Variants in HEATR5A observed in about 807,000 individuals in gnomAD.
HEATR5A encodes HEAT repeat containing 5A.
A neutral mutation model predicts 218.8 loss-of-function variants in HEATR5A; 178 were observed. The observed-to-expected ratio is 0.81, with a 90% CI of 0.72 to 0.92. The LOEUF (loss-of-function observed/expected upper bound fraction) is 0.92. HEATR5A is among the 40% of genes least tolerant of loss of function. HEATR5A has a pLI of 0.00. For missense variants in HEATR5A, 2,420 were observed against 2,418.9 expected, an observed-to-expected ratio of 1.00 and a Z score of -0.01; for synonymous variants, 864 against 871.6, an observed-to-expected ratio of 0.99 and a Z score of 0.15.
At chr14:31,301,462 C>T (rs775282706) in intron 33 of HEATR5A, among the ~76,000 whole-genome samples, 1 of 152,118 alleles carries the variant, frequency 6.6e-6, no homozygotes, top group Non-Finnish European at 1.5e-5. Context: ...TACTGGCTAT[C>T]ATTTATTGAT....
intron 20 of HEATR5A, 70 bp downstream of exon 20, chr14:31,345,017 A>G: frequency 1.5e-6 from 2 of 1,305,602 alleles, no homozygotes; most frequent in Non-Finnish European, 1.1e-6. Context: ...AAGCATACAG[A>G]CTAGGAACTG....
intron 14 of HEATR5A, among the ~76,000 whole-genome samples, chr14:31,363,492 T>C (rs1254794941): frequency 6.6e-6 from 1 of 152,180 alleles, no homozygotes; most frequent in African/African-American, 2.4e-5. Flanking sequence ...CAGCACAGCA[T>C]GAGGCAAACT....
chr14:31,358,144 G>A (rs2069111888), intron 16 of HEATR5A, among the ~76,000 whole-genome samples: 1 of 152,178 alleles, frequency 6.6e-6, no homozygotes, highest in African/African-American at 2.4e-5. Context: ...CTACGCCATG[G>A]ACGAACTGTC....
intron 28 of HEATR5A, among the ~76,000 whole-genome samples, chr14:31,310,890 C>T (rs1899725613): frequency 6.6e-6 from 1 of 151,916 alleles, no homozygotes; most frequent in Non-Finnish European, 1.5e-5. Flanking sequence ...TAGTGTACAC[C>T]ATAGTCCCAG....
At position 31,307,991 on chromosome 14, in the gene HEATR5A, GT is replaced by G. The variant is rs1566748326; in HGVS notation, c.4719del (p.Leu1573PhefsTer10). ...LGISVEFLCS[L>X]RSDATMESIT... Reference sequence around the variant, plus strand: ...ATGCTTTCCATGGTTGCATCTGAACGTAAGGAACATAGAAATTCCACGCTGA... The same window carrying G: ...ATGCTTTCCATGGTTGCATCTGAACGAAGGAACATAGAAATTCCACGCTGA... On this transcript the variant is annotated frameshift_variant, in exon 30 of 36. Coordinates refer to ENST00000543095, the MANE Select transcript of HEATR5A (RefSeq NM_015473.4). LOFTEE classifies it high-confidence loss of function. 6.2e-7 allele frequency: 1 copy of G among 1,613,048 alleles called. No homozygotes were observed. The highest frequency in any genetic ancestry group is 1.1e-5 in the South Asian group (1 of 90,814).
rs1365189148 is a variant in HEATR5A, at chr14:31,320,670, C to G, written c.3969+829G>C. On this transcript the variant is annotated intron_variant, in intron 25 of 35. Coordinates refer to ENST00000543095, the MANE Select transcript of HEATR5A (RefSeq NM_015473.4). ...TCCCAGCTTTAGCCCTTGGTCTCAG[C>G]ACTCAGCTTCCCCCACCCGGAAAAT... 9.0e-6 allele frequency: 5 copies of G among 552,760 alleles called. No homozygotes were observed. The African/African-American group carries it at 9.6e-5, about 11-fold the overall frequency. 34.2% of individuals were successfully genotyped at this position (552,760 alleles called of 1,614,324 possible).
chr14:31,318,279 A>C lies in HEATR5A; in HGVS notation c.3983T>G (p.Leu1328Arg). 5.6e-6 allele frequency: 9 copies of C among 1,613,692 alleles called. No individual in the cohort carries two copies. The highest frequency in any genetic ancestry group is 7.6e-6 in the Non-Finnish European group (9 of 1,179,654). ...TGTCTCTGAAGTGAAGGCTGGTCTA[A>C]GCGCTGCTCCTACCTGGCAAGAAAT... Reference protein sequence around the residue: ...EQYQANVGAALRPAFTSETPP... With the variant: ...EQYQANVGAARRPAFTSETPP... Residue 1328 changes from leucine (L) to arginine (R), a missense_variant, in exon 26 of 36, where the codon CTT (leucine) becomes CGT (arginine). Physicochemically the swap from Leu to Arg is moderately radical, Grantham distance 102 (BLOSUM62 -2). Coordinates refer to ENST00000543095, the MANE Select transcript of HEATR5A (RefSeq NM_015473.4).
At chr14:31,355,235 G>A (rs1348273321) in intron 16 of HEATR5A, among the ~76,000 whole-genome samples, 8 of 152,004 alleles carry the variant, frequency 5.3e-5, no homozygotes, top group African/African-American at 1.9e-4. Context: ...CCAACATGGC[G>A]AAAGCCCATC....
At position 31,364,805 on chromosome 14, in the gene HEATR5A, G is replaced by A. The variant is rs1901744392; in HGVS notation, c.1962-507C>T. On this transcript the variant is annotated intron_variant, in intron 13 of 35. Transcript: ENST00000543095. ...TCTTCTGTTCACCTTTCCTACTGGT[G>A]TTAAGACATCACTTTACCAATGCTC... 2.0e-5 allele frequency among the ~76,000 whole-genome samples: 3 copies of A among 152,118 alleles called. No individual in the cohort carries two copies. The South Asian group carries it at 6.2e-4, about 32-fold the overall frequency.
chr14:31,318,279 A>G lies in HEATR5A; in HGVS notation c.3983T>C (p.Leu1328Pro). ...TGTCTCTGAAGTGAAGGCTGGTCTA[A>G]GCGCTGCTCCTACCTGGCAAGAAAT... Reference protein sequence around the residue: ...EQYQANVGAALRPAFTSETPP... With the variant: ...EQYQANVGAAPRPAFTSETPP... The change falls in exon 26 of 36, where the codon CTT (leucine) becomes CCT (proline). Residue 1328 changes from leucine (L) to proline (P), a missense_variant. Leu to Pro is a moderately conservative substitution (Grantham distance 98, BLOSUM62 -3). Transcript: ENST00000543095. 6.2e-7 allele frequency: 1 copy of G among 1,613,692 alleles called. No individual in the cohort carries two copies. The highest frequency in any genetic ancestry group is 8.5e-7 in the Non-Finnish European group (1 of 1,179,654).
Position 31,317,623 on chromosome 14 carries a change from C to T in HEATR5A, c.4038+601G>A, listed in dbSNP as rs188374619. On this transcript the variant is annotated intron_variant, in intron 26 of 35. Coordinates refer to ENST00000543095, the MANE Select transcript of HEATR5A (RefSeq NM_015473.4). ...GGGCTGGATATTAAGTGTCTGACAA[C>T]GCAGTCTGAGAAAAGCAACTGTTTA... Among the ~76,000 whole-genome samples the T allele has an allele frequency of 2.3e-3, 353 of 152,240 alleles. 1 individual carries two copies. Among genetic ancestry groups the T allele is most frequent in the African/African-American group, 7.9e-3 (327 of 41,546 alleles).
chr14:31,350,676 G>A lies in HEATR5A; in HGVS notation c.2453C>T (p.Thr818Ile). 1 of 1,601,912 alleles carries A rather than the reference G, an allele frequency of 6.2e-7. No homozygotes were observed. The highest frequency in any genetic ancestry group is 8.5e-7 in the Non-Finnish European group (1 of 1,172,388). ...AACCACTTGCTGACGAGCTCCTTTT[G>A]TGTGCTTTATACTGTCCAAAAGCTG... is the stretch of plus-strand genomic sequence containing the variant. Reference protein sequence around the residue: ...LEQLLDSIKHTKGARQQVVQL... With the variant: ...LEQLLDSIKHIKGARQQVVQL... Residue 818 changes from threonine to isoleucine, a missense_variant, in exon 17 of 36, where the codon ACA becomes ATA. Thr to Ile is a moderately conservative substitution (Grantham distance 89). Coordinates refer to ENST00000543095, the MANE Select transcript of HEATR5A (RefSeq NM_015473.4).
At chr14:31,297,929 C>G (rs1001235507) in intron 33 of HEATR5A, among the ~76,000 whole-genome samples, 1 of 152,098 alleles carries the variant, frequency 6.6e-6, no homozygotes, top group Non-Finnish European at 1.5e-5. Flanking sequence ...TTTTAACCAC[C>G]TATAGCAACT....
rs574563233 is a variant in HEATR5A, at chr14:31,372,887, C to CCT, written c.1862-980_1862-979dup. Among the ~76,000 whole-genome samples the CCT allele has an allele frequency of 9.1e-3, 1,363 of 149,282 alleles. 17 individuals carry two copies. Among genetic ancestry groups the CCT allele is most frequent in the African/African-American group, 0.029 (1,139 of 39,882 alleles). The stretch of plus-strand genomic sequence containing the variant: ...TTTTCTCTCTTTCGCTCTCTCTCTC[C>CCT]CTCTCTCTCTCTCTCCCTCCCTCCC... On this transcript the variant is annotated intron_variant, in intron 12 of 35. Transcript: ENST00000543095.
chr14:31,417,706 C>A (rs1299688316), intron 1 of HEATR5A, among the ~76,000 whole-genome samples: 4 of 150,820 alleles, frequency 2.7e-5, no homozygotes, highest in Non-Finnish European at 5.9e-5. Flanking sequence ...GCCTAGATGG[C>A]GCTACTGCAC....
intron 19 of HEATR5A, among the ~76,000 whole-genome samples, chr14:31,346,045 T>C (rs1337587043): frequency 1.3e-4 from 20 of 152,212 alleles, no homozygotes; most frequent in Non-Finnish European, 2.8e-4. Context: ...TAATGTTCTA[T>C]AACAAGAAGT....
At chr14:31,321,361 G>T in intron 25 of HEATR5A, 138 bp downstream of exon 25, 2 of 563,508 alleles carry the variant, frequency 3.5e-6, no homozygotes, top group Non-Finnish European at 6.1e-6. Context: ...GCCCGGTCTT[G>T]AACTCCTGGG....
chr14:31,353,113 A>G (rs919801443), intron 16 of HEATR5A, among the ~76,000 whole-genome samples: 1 of 152,042 alleles, frequency 6.6e-6, no homozygotes, highest in Non-Finnish European at 1.5e-5. Flanking sequence ...AAAAAAAAAT[A>G]AAATTTACCC....
chr14:31,345,054 A>C, intron 20 of HEATR5A, 33 bp downstream of exon 20: 1 of 1,551,750 alleles, frequency 6.4e-7, no homozygotes, highest in Non-Finnish European at 8.8e-7. Context: ...TATTATTTTT[A>C]ATGTAAAACA....
Sources: gnomAD v4.1 joint callset for allele counts (sites outside exome capture counted in the v4.1 genomes callset) on GRCh38, gnomAD v4.1.1 for gene constraint, MANE v1.5 for transcripts, NCBI Gene and HGNC (gene_info 2026-07-23, HGNC 2026-07-21) for gene names.